The following STXBP4 variants were observed in gnomAD, a reference collection of about 807,000 sequenced individuals.
STXBP4 encodes syntaxin-binding protein 4.
Under a neutral mutation model 76.1 loss-of-function variants are expected in STXBP4, and 55 were observed. The observed-to-expected ratio is 0.72, with a 90% confidence interval of 0.58 to 0.91. The LOEUF (loss-of-function observed/expected upper bound fraction) is 0.91. STXBP4 is among the 40% of genes least tolerant of loss of function. The pLI, the probability that STXBP4 is intolerant of heterozygous loss-of-function variation, is 0.00. For synonymous variants in STXBP4, 201 were observed against 220.2 expected (o/e 0.91, Z 0.77); for missense variants, 618 against 636.9 (o/e 0.97, Z 0.32).
chr17:55,099,097 T>G (rs182758726), intron 16 of STXBP4, among the ~76,000 whole-genome samples: 1 of 152,344 alleles, frequency 6.6e-6, no homozygotes, highest in Admixed American at 6.5e-5. Flanking sequence ...TGCCATATAT[T>G]AACAATGATT....
At chr17:54,992,301 C>G (rs1413697250) in intron 4 of STXBP4, among the ~76,000 whole-genome samples, 2 of 151,144 alleles carry the variant, frequency 1.3e-5, no homozygotes, top group Non-Finnish European at 2.9e-5. Flanking sequence ...GCCAGTAGTC[C>G]CAGGTACTTG....
intron 12 of STXBP4, among the ~76,000 whole-genome samples, chr17:55,069,936 T>C (rs1036292322): frequency 3.3e-5 from 5 of 152,034 alleles, no homozygotes; most frequent in Non-Finnish European, 4.4e-5. Context: ...CCTTTCTCTT[T>C]AGAGTCTTTT....
chr17:55,190,011 G>GGAGAAAA, the STXBP4 span, among the ~76,000 whole-genome samples: 1 of 152,276 alleles, frequency 6.6e-6, no homozygotes, highest in African/African-American at 2.4e-5. Flanking sequence ...GTAGGCCACT[G>GGAGAAAA]GAGAAAAGAA....
At chr17:55,125,981 T>C (rs2079907180) in intron 16 of STXBP4, among the ~76,000 whole-genome samples, 1 of 152,176 alleles carries the variant, frequency 6.6e-6, no homozygotes, top group East Asian at 1.9e-4. Context: ...TACACAAATA[T>C]AGGGCGCATT....
chr17:55,183,652 G>A, the STXBP4 span, among the ~76,000 whole-genome samples: 1 of 152,000 alleles, frequency 6.6e-6, no homozygotes, highest in African/African-American at 2.4e-5. Flanking sequence ...ATTTCAACAT[G>A]GAGATATTGT....
intron 1 of STXBP4, among the ~76,000 whole-genome samples, chr17:54,971,797 T>C (rs1224371728): frequency 1.3e-5 from 2 of 152,062 alleles, no homozygotes; most frequent in Non-Finnish European, 2.9e-5. Context: ...TTATTTTTAT[T>C]TTTATTTTTA....
chr17:55,025,797 C>A (rs1026929144), intron 8 of STXBP4, among the ~76,000 whole-genome samples: 1 of 152,050 alleles, frequency 6.6e-6, no homozygotes, highest in African/African-American at 2.4e-5. Flanking sequence ...GATAATTAGA[C>A]AAGAAAAAGA....
chr17:55,046,295 T>G (rs904318516), intron 11 of STXBP4, among the ~76,000 whole-genome samples: 2 of 152,046 alleles, frequency 1.3e-5, no homozygotes, highest in African/African-American at 4.8e-5. Flanking sequence ...TTCATTTTCA[T>G]ATACCTTCAT....
rs74742048 is a variant in STXBP4, at chr17:55,019,110, T to G, written c.666+11513T>G. ...CATTCCTACTAGTCTTATGTAAGAG[T>G]TCTTCTTGCTTCATATACTTTACAT... On this transcript the variant is annotated intron_variant, in intron 8 of 17. Coordinates refer to ENST00000376352, the MANE Select transcript of STXBP4 (RefSeq NM_178509.6). 1.6e-3 allele frequency among the ~76,000 whole-genome samples: 251 copies of G among 152,342 alleles called. 2 individuals carry two copies. Among genetic ancestry groups the G allele is most frequent in the African/African-American group, 5.6e-3 (232 of 41,580 alleles).
chr17:55,197,065 G>T, the STXBP4 span, among the ~76,000 whole-genome samples: 4 of 152,144 alleles, frequency 2.6e-5, no homozygotes, highest in African/African-American at 9.7e-5. Flanking sequence ...TCTTACATCT[G>T]GCTGCACATT....
chr17:55,135,621 A>G (rs2080020515), intron 16 of STXBP4, among the ~76,000 whole-genome samples: 1 of 152,106 alleles, frequency 6.6e-6, no homozygotes. Flanking sequence ...TTTTCATAGG[A>G]AAATTAGCTA....
Position 54,999,399 on chromosome 17 carries a change from A to G in STXBP4, c.235A>G (p.Ile79Val). The G allele has an allele frequency of 1.2e-6, 2 of 1,613,316 alleles. No individual in the cohort carries two copies. The highest frequency in any genetic ancestry group is 1.7e-6 in the Non-Finnish European group (2 of 1,179,694). The change falls in exon 5 of 18, where the codon ATT (isoleucine) becomes GTT (valine). Residue 79 changes from isoleucine (I) to valine (V), a missense_variant. Ile to Val is a conservative substitution (Grantham distance 29). Coordinates refer to ENST00000376352, the MANE Select transcript of STXBP4 (RefSeq NM_178509.6). ...TGTCTCAGTCAACAAGGAATCTATG[A>G]TTGGTGTATCATTTGAAGAAGCAAA... ...QLVSVNKESM[I>V]GVSFEEAKSI...
At chr17:55,025,624 A>G (rs1261215545) in intron 8 of STXBP4, among the ~76,000 whole-genome samples, 2 of 152,222 alleles carry the variant, frequency 1.3e-5, no homozygotes, top group Admixed American at 6.5e-5. Flanking sequence ...AACTAACAAT[A>G]GAAAGGAATC....
chr17:54,971,421 A>C (rs895159274), intron 1 of STXBP4, among the ~76,000 whole-genome samples: 1 of 152,200 alleles, frequency 6.6e-6, no homozygotes, highest in African/African-American at 2.4e-5. Flanking sequence ...TGTGACATCT[A>C]CCATCTTGCT....
chr17:54,999,969 G>T (rs1156858396), intron 6 of STXBP4, 127 bp downstream of exon 6: 4 of 814,776 alleles, frequency 4.9e-6, no homozygotes, highest in South Asian at 2.2e-5. Context: ...TTCTTTGAAA[G>T]ATTTTTTTCT....
rs184313209 is a variant in STXBP4, at chr17:55,025,544, T to C, written c.667-5624T>C. Among the ~76,000 whole-genome samples the C allele has an allele frequency of 2.7e-3, 405 of 152,326 alleles. 5 individuals carry two copies. Among genetic ancestry groups the C allele is most frequent in the Non-Finnish European group, 3.5e-3 (235 of 68,030 alleles). ...TTGATTTTTTAATTCTTTTACGTGA[T>C]GGTCTCAATAGACACAAGAAAAATA... is the stretch of plus-strand genomic sequence containing the variant. On this transcript the variant is annotated intron_variant, in intron 8 of 17. Transcript: ENST00000376352.
intron 4 of STXBP4, among the ~76,000 whole-genome samples, chr17:54,994,542 G>A (rs180936125): frequency 9.9e-5 from 15 of 152,032 alleles, no homozygotes; most frequent in Non-Finnish European, 1.5e-4. Flanking sequence ...TTTTACTCTC[G>A]AAATATCTCT....
At chr17:55,084,839 A>G (rs1281825472) in intron 16 of STXBP4, among the ~76,000 whole-genome samples, 8 of 152,152 alleles carry the variant, frequency 5.3e-5, no homozygotes, top group Non-Finnish European at 8.8e-5. Context: ...CCATTGATCT[A>G]TATCTCTGTT....
At position 55,024,207 on chromosome 17, in the gene STXBP4, T is replaced by C. The variant is rs866988440; in HGVS notation, c.667-6961T>C. ...TGTGATACTCACGGGATTGTAACTT[T>C]AGAGAACAATTTGGCAAAACTGAAC... On this transcript the variant is annotated intron_variant, in intron 8 of 17. Coordinates refer to ENST00000376352, the MANE Select transcript of STXBP4 (RefSeq NM_178509.6). Among the ~76,000 whole-genome samples, 7 of 152,336 alleles carry C rather than the reference T, an allele frequency of 4.6e-5. No individual in the cohort carries two copies. The East Asian group carries it at 1.2e-3, about 25-fold the overall frequency.
Sources: allele counts gnomAD v4.1 joint callset (sites outside exome capture counted in the v4.1 genomes callset), GRCh38; gene constraint gnomAD v4.1.1; transcripts MANE v1.5; gene names NCBI Gene and HGNC (gene_info 2026-07-23, HGNC 2026-07-21).